Variants in TPH2 observed in about 807,000 individuals in gnomAD.
TPH2 encodes tryptophan hydroxylase 2, also known as tryptophan 5-hydroxylase 2.
TPH2 carries 27 observed loss-of-function variants against 59.1 expected under a neutral mutation model. The observed-to-expected ratio is 0.46, with a 90% CI of 0.34 to 0.63. The LOEUF (loss-of-function observed/expected upper bound fraction) is 0.63, where lower values mean the gene tolerates loss of function less well. Among genes scored for constraint, TPH2 ranks in the 30% least tolerant of loss-of-function variants. The pLI is 0.01. For missense variants in TPH2, 523 were observed against 588.3 expected, an observed-to-expected ratio of 0.89 and a Z score of 1.15; for synonymous variants, 220 against 210.5, an observed-to-expected ratio of 1.05 and a Z score of -0.39.
At chr12:71,970,795 A>T (rs953331315) in intron 5 of TPH2, among the ~76,000 whole-genome samples, 1 of 152,222 alleles carries the variant, frequency 6.6e-6, no homozygotes, top group Non-Finnish European at 1.5e-5. Flanking sequence ...TTTATTTGTT[A>T]TCAACAGCCA....
chr12:71,980,056 T>C (rs1872232345), intron 7 of TPH2, among the ~76,000 whole-genome samples: 1 of 152,160 alleles, frequency 6.6e-6, no homozygotes, highest in Non-Finnish European at 1.5e-5. Flanking sequence ...GGCAAGGAGA[T>C]GGAGAGTCCT....
At chr12:71,998,637 A>G (rs1430273295) in intron 8 of TPH2, among the ~76,000 whole-genome samples, 1 of 152,220 alleles carries the variant, frequency 6.6e-6, no homozygotes, top group Non-Finnish European at 1.5e-5. Flanking sequence ...ACCCACTTGC[A>G]GAAACAAAAA....
chr12:71,980,136 T>A (rs1458164606), intron 7 of TPH2, among the ~76,000 whole-genome samples: 1 of 152,122 alleles, frequency 6.6e-6, no homozygotes, highest in East Asian at 1.9e-4. Context: ...TGAATGTGTA[T>A]ATGATGGGGT....
chr12:72,024,345 C>T (rs1873510585), intron 9 of TPH2, among the ~76,000 whole-genome samples: 1 of 152,178 alleles, frequency 6.6e-6, no homozygotes, highest in Non-Finnish European at 1.5e-5. Flanking sequence ...TAGCTGAAGC[C>T]TGGTCCATTG....
intron 8 of TPH2, among the ~76,000 whole-genome samples, chr12:72,009,473 G>A (rs1873043982): frequency 6.6e-6 from 1 of 152,152 alleles, no homozygotes; most frequent in Non-Finnish European, 1.5e-5. Context: ...ATATTACATA[G>A]TATTTTGTTT....
At chr12:72,005,652 G>A (rs530984791) in intron 8 of TPH2, among the ~76,000 whole-genome samples, 4 of 152,264 alleles carry the variant, frequency 2.6e-5, no homozygotes, top group Non-Finnish European at 5.9e-5. Flanking sequence ...ACAGAGGAAA[G>A]AATAAATTGG....
intron 8 of TPH2, among the ~76,000 whole-genome samples, chr12:71,999,679 G>T (rs1299473004): frequency 6.6e-6 from 1 of 152,200 alleles, no homozygotes; most frequent in East Asian, 1.9e-4. Flanking sequence ...GAGTATCAGA[G>T]CATGTGGACA....
intron 8 of TPH2, among the ~76,000 whole-genome samples, chr12:71,997,889 G>A (rs935514431): frequency 5.9e-5 from 9 of 152,140 alleles, no homozygotes; most frequent in Non-Finnish European, 1.3e-4. Flanking sequence ...AATGGATTTA[G>A]CTGAACATTC....
At chr12:72,008,621 G>A (rs1344541425) in intron 8 of TPH2, among the ~76,000 whole-genome samples, 3 of 152,156 alleles carry the variant, frequency 2.0e-5, no homozygotes, top group African/African-American at 7.2e-5. Flanking sequence ...TACAATTTTG[G>A]TGAGGAAAGG....
At chr12:71,969,080 G>A (rs1342255848) in intron 5 of TPH2, among the ~76,000 whole-genome samples, 1 of 152,154 alleles carries the variant, frequency 6.6e-6, no homozygotes, top group Non-Finnish European at 1.5e-5. Flanking sequence ...TCAGGAGATC[G>A]AGATCATCTT....
At chr12:71,964,868 T>C (rs1321120331) in intron 5 of TPH2, 2 of 451,726 alleles carry the variant, frequency 4.4e-6, no homozygotes, top group Non-Finnish European at 5.8e-6. Flanking sequence ...TTGTTGTACA[T>C]ATTATTTCAT....
At chr12:71,942,342 G>A (rs1871093920) in intron 2 of TPH2, among the ~76,000 whole-genome samples, 1 of 152,164 alleles carries the variant, frequency 6.6e-6, no homozygotes, top group African/African-American at 2.4e-5. Context: ...TTAGGGATGA[G>A]GCTGGAAAAG....
chr12:71,951,691 T>A (rs1871351921), intron 5 of TPH2, among the ~76,000 whole-genome samples: 1 of 140,678 alleles, frequency 7.1e-6, no homozygotes, highest in African/African-American at 2.7e-5. Context: ...TTTATGTATG[T>A]GTGTGTGTGC....
intron 8 of TPH2, among the ~76,000 whole-genome samples, chr12:72,010,645 G>A (rs549078061): frequency 2.6e-5 from 4 of 152,270 alleles, no homozygotes; most frequent in Non-Finnish European, 4.4e-5. Flanking sequence ...AGAAATAGGC[G>A]AGAAAGTGCA....
chr12:71,988,642 C>T (rs1050000293), intron 7 of TPH2, among the ~76,000 whole-genome samples: 8 of 152,178 alleles, frequency 5.3e-5, no homozygotes, highest in African/African-American at 1.9e-4. Context: ...CACCTCCCAC[C>T]AGGCCCCACC....
At chr12:71,978,807 C>A in intron 6 of TPH2, 145 bp from the exon 7 acceptor site, 1 of 971,852 alleles carries the variant, frequency 1.0e-6, no homozygotes, top group Non-Finnish European at 1.6e-6. Flanking sequence ...TAGCTGTTAA[C>A]AGTATATGTC....
chr12:72,011,224 G>A (rs1368682714), intron 8 of TPH2, among the ~76,000 whole-genome samples: 2 of 152,280 alleles, frequency 1.3e-5, no homozygotes, highest in Middle Eastern at 3.4e-3. Context: ...GTTGCACTGA[G>A]GCTCATGCAC....
intron 9 of TPH2, among the ~76,000 whole-genome samples, chr12:72,022,959 A>G (rs1873463337): frequency 6.6e-6 from 1 of 152,238 alleles, no homozygotes; most frequent in Non-Finnish European, 1.5e-5. Context: ...ATTAATGTGC[A>G]TTAAAACATG....
At chr12:72,027,404 C>T (rs1873600695) in intron 9 of TPH2, among the ~76,000 whole-genome samples, 1 of 152,158 alleles carries the variant, frequency 6.6e-6, no homozygotes, top group Non-Finnish European at 1.5e-5. Flanking sequence ...CACTTTGCAT[C>T]CATTACCTCA....
Sources: allele counts gnomAD v4.1 joint callset (sites outside exome capture counted in the v4.1 genomes callset), GRCh38; gene constraint gnomAD v4.1.1; transcripts MANE v1.5; gene names NCBI Gene and HGNC (gene_info 2026-07-23, HGNC 2026-07-21).